The following TCAIM variants were observed in gnomAD, a reference collection of about 807,000 sequenced individuals.
The protein encoded by TCAIM is T-cell activation inhibitor, mitochondrial.
TCAIM carries 36 observed loss-of-function variants against 58.6 expected under a neutral mutation model. That is an observed-to-expected ratio of 0.61 (90% confidence interval 0.47 to 0.81). TCAIM has a LOEUF of 0.81. Among genes scored for constraint, TCAIM ranks in the 30% least tolerant of loss-of-function variants. The pLI, the probability that TCAIM is intolerant of heterozygous loss-of-function variation, is 0.00. For missense variants in TCAIM, 466 were observed against 579.6 expected, an observed-to-expected ratio of 0.80 and a Z score of 2.01; for synonymous variants, 172 against 193.6, an observed-to-expected ratio of 0.89 and a Z score of 0.93.
intron 1 of TCAIM, among the ~76,000 whole-genome samples, 195 bp from the exon 2 acceptor site, chr3:44,354,544 A>G (rs933591403): frequency 4.6e-5 from 7 of 152,218 alleles, no homozygotes; most frequent in Admixed American, 1.3e-4. Flanking sequence ...ATCCATGAAC[A>G]TGGAGTATCT....
intron 5 of TCAIM, among the ~76,000 whole-genome samples, chr3:44,383,267 A>G (rs909324577): frequency 1.3e-5 from 2 of 152,236 alleles, no homozygotes; most frequent in Non-Finnish European, 2.9e-5. Context: ...TCATAGCAGC[A>G]TTATTCACAA....
chr3:44,346,851 C>T (rs1258687825), intron 1 of TCAIM, among the ~76,000 whole-genome samples: 1 of 152,060 alleles, frequency 6.6e-6, no homozygotes, highest in Non-Finnish European at 1.5e-5. Flanking sequence ...CCCTGTACTT[C>T]GGCTGTGTGT....
chr3:44,403,541 A>G lies in TCAIM; in HGVS notation c.1250+2207A>G, dbSNP rs571262046. 1.9e-3 allele frequency among the ~76,000 whole-genome samples: 294 copies of G among 152,338 alleles called. 1 individual carries two copies. Among genetic ancestry groups the G allele is most frequent in the Non-Finnish European group, 3.5e-3 (240 of 68,030 alleles). On this transcript the variant is annotated intron_variant, in intron 10 of 10. Coordinates refer to ENST00000342649, the MANE Select transcript of TCAIM (RefSeq NM_173826.4). ...CAAGAGCAATTCTAGCCAACTGTTCATCATTAGGACTGATTATTTTGTTTG... is the reference window on the plus strand; with the variant it reads ...CAAGAGCAATTCTAGCCAACTGTTCGTCATTAGGACTGATTATTTTGTTTG...
intron 5 of TCAIM, among the ~76,000 whole-genome samples, chr3:44,387,846 G>A (rs1701769118): frequency 6.6e-6 from 1 of 152,108 alleles, no homozygotes; most frequent in Admixed American, 6.5e-5. Flanking sequence ...TGATTGTGCT[G>A]TTGCACTCCA....
rs1702116154 is a variant in TCAIM, at chr3:44,407,373, T to C, written c.1251-69T>C. 3 of 1,206,376 alleles carry C rather than the reference T, an allele frequency of 2.5e-6. No individual in the cohort carries two copies. The South Asian group carries it at 5.1e-5, about 21-fold the overall frequency. The allele number at this position is 1,206,376 out of a possible 1,614,324, so 74.7% of individuals were successfully genotyped here. A position where few individuals can be genotyped will look rare whatever the true frequency, so the allele number is the denominator to read the frequency against. ...CCAACATGTAAGAATATATTTACAT[T>C]GTGTGTTCTTTTGTTTGGTTATGAC... On this transcript the variant is annotated intron_variant, in intron 10 of 10. Coordinates refer to ENST00000342649, the MANE Select transcript of TCAIM (RefSeq NM_173826.4).
intron 5 of TCAIM, 99 bp downstream of exon 5, chr3:44,367,807 T>C: frequency 1.6e-6 from 2 of 1,219,338 alleles, no homozygotes; most frequent in Non-Finnish European, 2.2e-6. Flanking sequence ...AAATAAAAAG[T>C]GTAGTTCACA....
At chr3:44,392,563 G>A (rs1460875097) in intron 5 of TCAIM, among the ~76,000 whole-genome samples, 1 of 152,162 alleles carries the variant, frequency 6.6e-6, no homozygotes, top group Non-Finnish European at 1.5e-5. Flanking sequence ...GTTTATAAGT[G>A]AGAACATGCA....
intron 5 of TCAIM, among the ~76,000 whole-genome samples, chr3:44,388,327 C>T (rs1211724581): frequency 6.6e-6 from 1 of 152,150 alleles, no homozygotes; most frequent in Non-Finnish European, 1.5e-5. Context: ...CTTTAGTCTT[C>T]TTTAATCTGG....
intron 5 of TCAIM, among the ~76,000 whole-genome samples, chr3:44,389,320 G>A (rs1008157367): frequency 3.9e-5 from 6 of 152,120 alleles, no homozygotes; most frequent in Non-Finnish European, 4.4e-5. Context: ...CAGAAACCAT[G>A]TTGAGAGTCT....
intron 8 of TCAIM, among the ~76,000 whole-genome samples, chr3:44,397,658 C>T (rs1701955711): frequency 6.6e-6 from 1 of 152,236 alleles, no homozygotes; most frequent in East Asian, 1.9e-4. Flanking sequence ...AATAGAATGG[C>T]TGGATCATAT....
chr3:44,383,993 AT>A (rs1701696063), intron 5 of TCAIM, among the ~76,000 whole-genome samples: 2 of 152,214 alleles, frequency 1.3e-5, no homozygotes, highest in African/African-American at 4.8e-5. Flanking sequence ...AGGTAATTTC[AT>A]TTCTTATAAA....
intron 5 of TCAIM, among the ~76,000 whole-genome samples, chr3:44,372,197 G>C (rs12485791): frequency 0.15 from 22,376 of 152,164 alleles, 1,693 homozygotes; most frequent in Admixed American, 0.17. Context: ...CCGTGGGTGG[G>C]CTTGGAACTA....
At chr3:44,383,726 A>C (rs1411255888) in intron 5 of TCAIM, among the ~76,000 whole-genome samples, 1 of 148,688 alleles carries the variant, frequency 6.7e-6, no homozygotes. Context: ...TAATCCCAGC[A>C]CTTTGGGAGG....
Position 44,396,606 on chromosome 3 carries a change from T to TTCAAATAACTTTATCACAGCTGAA in TCAIM, c.793+109_793+110insTCAAATAACTTTATCACAGCTGAA. 4 of 1,430,232 alleles carry TTCAAATAACTTTATCACAGCTGAA rather than the reference T, an allele frequency of 2.8e-6. No homozygotes were observed. The African/African-American group carries it at 4.3e-5, about 15-fold the overall frequency. 88.6% of individuals were successfully genotyped at this position (1,430,232 alleles called of 1,614,324 possible). A position where few individuals can be genotyped will look rare whatever the true frequency, so the allele number is the denominator to read the frequency against. ...ATCACAGCTGAACTTTTAAATCTGT[T>TTCAAATAACTTTATCACAGCTGAA]CTTTGAATAAAGCAGTGGCATAAAA... On this transcript the variant is annotated intron_variant, in intron 7 of 10. Transcript: ENST00000342649.
At chr3:44,389,930 G>A (rs931880942) in intron 5 of TCAIM, among the ~76,000 whole-genome samples, 1 of 152,010 alleles carries the variant, frequency 6.6e-6, no homozygotes, top group African/African-American at 2.4e-5. Context: ...AGGTCTTTAT[G>A]CACTAATATG....
At chr3:44,380,605 T>C (rs1701640825) in intron 5 of TCAIM, among the ~76,000 whole-genome samples, 1 of 151,104 alleles carries the variant, frequency 6.6e-6, no homozygotes, top group Non-Finnish European at 1.5e-5. Flanking sequence ...AAGAATAAAC[T>C]AAACCCAAAA....
At chr3:44,395,041 G>T (rs959437370) in intron 6 of TCAIM, among the ~76,000 whole-genome samples, 1 of 143,468 alleles carries the variant, frequency 7.0e-6, no homozygotes, top group South Asian at 2.2e-4. Flanking sequence ...GAGGACCATG[G>T]GCATGAGGGC....
In TCAIM at chr3:44,408,254, A is replaced by G. The variant is rs1025900805; in HGVS notation, c.*572A>G. Reference sequence around the variant, plus strand: ...TCAGAGTATAGCTCTGAAATAATGGAACTCATGTCTACAATTCAACATGCA... The same window carrying G: ...TCAGAGTATAGCTCTGAAATAATGGGACTCATGTCTACAATTCAACATGCA... On this transcript the variant is annotated 3_prime_UTR_variant, in exon 11 of 11. Coordinates refer to ENST00000342649, the MANE Select transcript of TCAIM (RefSeq NM_173826.4). 3.3e-5 allele frequency: 5 copies of G among 152,240 alleles called. No homozygotes were observed. Among genetic ancestry groups the G allele is most frequent in the African/African-American group, 1.2e-4 (5 of 41,452 alleles). The allele number at this position is 152,240 out of a possible 1,614,324, so 9.4% of individuals were successfully genotyped here. A position where few individuals can be genotyped will look rare whatever the true frequency, so the allele number is the denominator to read the frequency against.
intron 1 of TCAIM, among the ~76,000 whole-genome samples, chr3:44,342,053 G>A (rs186848360): frequency 6.6e-6 from 1 of 152,044 alleles, no homozygotes; most frequent in East Asian, 1.9e-4. Flanking sequence ...TATAGATAAC[G>A]TTTTCTCATT....
Sources: allele counts gnomAD v4.1 joint callset (sites outside exome capture counted in the v4.1 genomes callset), GRCh38; gene constraint gnomAD v4.1.1; transcripts MANE v1.5; gene names NCBI Gene and HGNC (gene_info 2026-07-23, HGNC 2026-07-21).